Variants in NMBR observed in about 807,000 individuals in gnomAD.
The protein encoded by NMBR is neuromedin-B receptor.
NMBR carries 16 observed loss-of-function variants against 20.5 expected under a neutral mutation model. That is an observed-to-expected ratio of 0.78 (90% confidence interval 0.53 to 1.19). The LOEUF (loss-of-function observed/expected upper bound fraction) is 1.19, where lower values mean the gene tolerates loss of function less well. Among genes scored for constraint, NMBR ranks in the 50% most tolerant of loss-of-function variants. The pLI is 0.00. For synonymous variants in NMBR, 212 were observed against 196.6 expected, an observed-to-expected ratio of 1.08 and a Z score of -0.65; for missense variants, 582 against 499.1, an observed-to-expected ratio of 1.17 and a Z score of -1.58.
chr6:142,078,310 T>C (rs1338164764), intron 3 of NMBR, among the ~76,000 whole-genome samples: 2 of 152,210 alleles, frequency 1.3e-5, no homozygotes, highest in African/African-American at 4.8e-5. Flanking sequence ...TACATTAATT[T>C]CTAATGGTGG....
chr6:142,079,010 A>T (rs1224916002), intron 2 of NMBR, 107 bp from the exon 3 acceptor site: 1 of 663,650 alleles, frequency 1.5e-6, no homozygotes, highest in Admixed American at 3.2e-5. Flanking sequence ...GAGAGAAAGG[A>T]AGAAAGGGAG....
At chr6:142,099,272 A>T (rs895223204) in intron 1 of NMBR, among the ~76,000 whole-genome samples, 4 of 152,192 alleles carry the variant, frequency 2.6e-5, no homozygotes, top group Admixed American at 6.6e-5. Context: ...CACTGCTATA[A>T]AGAACTAACT....
At chr6:142,076,502 A>T (rs1377188517) in intron 3 of NMBR, among the ~76,000 whole-genome samples, 4 of 152,208 alleles carry the variant, frequency 2.6e-5, no homozygotes, top group Non-Finnish European at 4.4e-5. Context: ...TAAAACTACC[A>T]CTCCACAGGA....
At chr6:142,101,453 G>C (rs1777562989) in intron 1 of NMBR, among the ~76,000 whole-genome samples, 1 of 152,070 alleles carries the variant, frequency 6.6e-6, no homozygotes. Context: ...AAAACCCATT[G>C]GGAAATAGCA....
chr6:142,134,173 C>T (rs983318620), intron 1 of NMBR: 2 of 488,018 alleles, frequency 4.1e-6, no homozygotes, highest in East Asian at 6.0e-5. Context: ...CTTTAATTAG[C>T]TGTATATTTC....
intron 1 of NMBR, among the ~76,000 whole-genome samples, chr6:142,136,143 C>T (rs996599572): frequency 6.6e-6 from 1 of 152,194 alleles, no homozygotes; most frequent in Admixed American, 6.5e-5. Context: ...TTCTCCACAT[C>T]CTCTCCAGCA....
In NMBR at chr6:142,078,751, T is replaced by C. The variant is rs145461947; in HGVS notation, c.575A>G (p.Asn192Ser). 1.3e-5 allele frequency: 21 copies of C among 1,613,898 alleles called. No homozygotes were observed. In the African/African-American group the frequency reaches 2.3e-4, roughly 17 times the overall value. The change falls in exon 3 of 4, where the codon AAT becomes AGT. Residue 192 changes from asparagine to serine, a missense_variant. Asn to Ser is a conservative substitution (Grantham distance 46). Transcript: ENST00000258042. Reference sequence around the variant, plus strand: ...TGGGATACATGCTGTGAAGCTGCTATTATCCAAGCTACTGATGCGAGCCAC... The same window carrying C: ...TGGGATACATGCTGTGAAGCTGCTACTATCCAAGCTACTGATGCGAGCCAC... ...SEVARISSLD[N>S]SSFTACIPYP...
intron 1 of NMBR, among the ~76,000 whole-genome samples, chr6:142,143,171 A>G (rs1431834301): frequency 1.3e-5 from 2 of 152,260 alleles, no homozygotes; most frequent in Non-Finnish European, 2.9e-5. Context: ...ATCATTTACA[A>G]TGCAATAAAA....
At chr6:142,136,466 G>C (rs1374553344) in intron 1 of NMBR, among the ~76,000 whole-genome samples, 5 of 151,850 alleles carry the variant, frequency 3.3e-5, no homozygotes, top group Non-Finnish European at 4.4e-5. Flanking sequence ...GCTGATGGTA[G>C]TTTCTTTTGC....
At chr6:142,101,598 G>A (rs115011504) in intron 1 of NMBR, among the ~76,000 whole-genome samples, 3 of 152,174 alleles carry the variant, frequency 2.0e-5, no homozygotes, top group South Asian at 2.1e-4. Context: ...TTCTAGGATC[G>A]ATCTTTTTCT....
chr6:142,133,849 G>A (rs540729574), intron 1 of NMBR: 1 of 674,974 alleles, frequency 1.5e-6, no homozygotes, highest in African/African-American at 1.8e-5. Flanking sequence ...AACCATAACA[G>A]GTTAAACCTC....
intron 2 of NMBR, among the ~76,000 whole-genome samples, chr6:142,079,447 C>A (rs893093855): frequency 1.3e-5 from 2 of 152,032 alleles, no homozygotes; most frequent in South Asian, 2.1e-4. Context: ...ATTTCATTTC[C>A]AAAATCCTGG....
At chr6:142,123,387 G>T (rs1394184582) in intron 1 of NMBR, among the ~76,000 whole-genome samples, 1 of 151,920 alleles carries the variant, frequency 6.6e-6, no homozygotes, top group Non-Finnish European at 1.5e-5. Context: ...AAAATGCTGT[G>T]AATATTGTTG....
intron 1 of NMBR, among the ~76,000 whole-genome samples, chr6:142,107,232 T>C (rs1777678993): frequency 6.6e-6 from 1 of 152,146 alleles, no homozygotes; most frequent in Non-Finnish European, 1.5e-5. Context: ...TGACCCACTC[T>C]CTTTATTCCA....
intron 1 of NMBR, among the ~76,000 whole-genome samples, chr6:142,128,296 C>G (rs1264631563): frequency 2.0e-5 from 3 of 152,086 alleles, no homozygotes; most frequent in Non-Finnish European, 4.4e-5. Flanking sequence ...AACCTCTTTT[C>G]TTTATAAATT....
chr6:142,075,896 C>A lies in NMBR; in HGVS notation c.925G>T (p.Ala309Ser). 6.2e-7 allele frequency: 1 copy of A among 1,613,936 alleles called. No individual in the cohort carries two copies. ...SLGHMIVTLV[A>S]RVLSFGNSCV... ...GAATTGCCAAAACTGAGAACCCGGG[C>A]AACTAAGGTGACAATCATGTGGCCT... is the stretch of plus-strand genomic sequence containing the variant. The change falls in exon 4 of 4, where the codon GCC becomes TCC. Residue 309 changes from alanine (A) to serine (S), a missense_variant. Physicochemically the swap from Ala to Ser is moderately conservative, Grantham distance 99. Transcript: ENST00000258042.
intron 1 of NMBR, among the ~76,000 whole-genome samples, chr6:142,121,849 A>C (rs1325136358): frequency 6.6e-6 from 1 of 151,954 alleles, no homozygotes; most frequent in Admixed American, 6.6e-5. Flanking sequence ...ATCTTGAGAC[A>C]GACCAGGAAT....
intron 1 of NMBR, among the ~76,000 whole-genome samples, chr6:142,127,986 A>G (rs111273159): frequency 1.3e-5 from 2 of 151,998 alleles, no homozygotes; most frequent in African/African-American, 4.8e-5. Flanking sequence ...ATATGGTTTG[A>G]ATTTGTGTTC....
intron 1 of NMBR, among the ~76,000 whole-genome samples, chr6:142,124,967 G>A (rs1439158601): frequency 6.6e-6 from 1 of 151,854 alleles, no homozygotes; most frequent in Non-Finnish European, 1.5e-5. Flanking sequence ...AAAATAACAT[G>A]ATTGGTTGTT....
Sources: gnomAD v4.1 joint callset for allele counts (sites outside exome capture counted in the v4.1 genomes callset) on GRCh38, gnomAD v4.1.1 for gene constraint, MANE v1.5 for transcripts, NCBI Gene and HGNC (gene_info 2026-07-23, HGNC 2026-07-21) for gene names.